The following PDE7B variants were observed in gnomAD, a reference collection of about 807,000 sequenced individuals.
PDE7B encodes the protein 3',5'-cyclic-AMP phosphodiesterase 7B.
In PDE7B, 29 loss-of-function variants were observed where a neutral mutation model predicts 56.2. That is an observed-to-expected ratio of 0.52 (90% confidence interval 0.38 to 0.70). PDE7B has a LOEUF of 0.70. PDE7B is among the 30% of genes least tolerant of loss of function. The pLI, the probability that PDE7B is intolerant of heterozygous loss-of-function variation, is 0.00. For missense variants in PDE7B, 490 were observed against 565.0 expected (o/e 0.87, Z 1.35); for synonymous variants, 197 against 196.9 (o/e 1.00, Z 0.00).
chr6:136,020,057 G>C (rs2128208000), intron 2 of PDE7B, among the ~76,000 whole-genome samples: 1 of 152,264 alleles, frequency 6.6e-6, no homozygotes, highest in Admixed American at 6.5e-5. Context: ...CACCCAATCA[G>C]AGATTCTGCT....
At chr6:136,020,806 T>C (rs1398366501) in intron 2 of PDE7B, among the ~76,000 whole-genome samples, 1 of 152,124 alleles carries the variant, frequency 6.6e-6, no homozygotes, top group Non-Finnish European at 1.5e-5. Context: ...CAGACACTTT[T>C]GGGCATAAGT....
intron 1 of PDE7B, among the ~76,000 whole-genome samples, chr6:135,935,195 T>TATATATATATATATTTATATATAA (rs1774398040): frequency 1.3e-5 from 1 of 78,232 alleles, no homozygotes; most frequent in African/African-American, 7.2e-5. Flanking sequence ...TTTATTTATA[T>TATATATATATATATTTATATATAA]ATATATATAT....
chr6:136,151,918 C>T (rs1022596914), intron 6 of PDE7B, among the ~76,000 whole-genome samples: 9 of 151,736 alleles, frequency 5.9e-5, no homozygotes, highest in African/African-American at 9.7e-5. Flanking sequence ...CCAGCCTGGG[C>T]GACAGTGCAA....
intron 1 of PDE7B, among the ~76,000 whole-genome samples, chr6:135,869,995 G>C (rs760274790): frequency 2.6e-5 from 4 of 152,168 alleles, no homozygotes; most frequent in Non-Finnish European, 4.4e-5. Flanking sequence ...TAAATGAGAA[G>C]CCACTGAAAC....
rs1776492742 is a variant in PDE7B, at chr6:136,045,809, G to T, written c.83-62922G>T. ...ATTGTAAAATAAAATCACAGCTAGA[G>T]CTATGATGGGAATGAACGTAAATCT... On this transcript the variant is annotated intron_variant, in intron 2 of 12. Coordinates refer to ENST00000308191, the MANE Select transcript of PDE7B (RefSeq NM_018945.4). 3.3e-5 allele frequency among the ~76,000 whole-genome samples: 5 copies of T among 151,972 alleles called. No homozygotes were observed. In the South Asian group the frequency reaches 1.0e-3, roughly 32 times the overall value.
chr6:136,153,119 T>C (rs769612062), intron 6 of PDE7B, among the ~76,000 whole-genome samples: 1 of 152,348 alleles, frequency 6.6e-6, no homozygotes, highest in East Asian at 1.9e-4. Context: ...CTCAAGCTGA[T>C]TGTATTTCAA....
intron 2 of PDE7B, among the ~76,000 whole-genome samples, chr6:136,004,400 A>G (rs1363109087): frequency 6.6e-6 from 1 of 152,102 alleles, no homozygotes; most frequent in Non-Finnish European, 1.5e-5. Flanking sequence ...TTAGGAAAAG[A>G]GGAAGTCAAA....
intron 2 of PDE7B, among the ~76,000 whole-genome samples, chr6:136,039,141 C>T (rs1051489789): frequency 6.6e-6 from 1 of 151,782 alleles, no homozygotes; most frequent in Non-Finnish European, 1.5e-5. Flanking sequence ...ATAATGATTC[C>T]CAGGGACTTT....
chr6:136,191,013 C>CTTTTTTTTTT lies in PDE7B; in HGVS notation c.1127-586_1127-577dup, dbSNP rs752187218. On this transcript the variant is annotated intron_variant, in intron 12 of 12. Coordinates refer to ENST00000308191, the MANE Select transcript of PDE7B (RefSeq NM_018945.4). ...CTGCCTTCTTTAGCTCCAGCATACA[C>CTTTTTTTTTT]TTTTTTTTTTTTTTTTTTTTTTTTA... Among the ~76,000 whole-genome samples the CTTTTTTTTTT allele has an allele frequency of 3.1e-4, 31 of 99,292 alleles. 2 individuals carry two copies. Among genetic ancestry groups the CTTTTTTTTTT allele is most frequent in the Middle Eastern group, 5.2e-3 (1 of 194 alleles). The allele number at this position is 99,292 out of a possible 152,430, so 65.1% of individuals were successfully genotyped here. A position where few individuals can be genotyped will look rare whatever the true frequency, so the allele number is the denominator to read the frequency against.
At chr6:135,868,572 C>T (rs941213606) in intron 1 of PDE7B, among the ~76,000 whole-genome samples, 7 of 152,184 alleles carry the variant, frequency 4.6e-5, no homozygotes, top group South Asian at 2.1e-4. Context: ...GCTGAGACTA[C>T]AGGCAGGTGT....
At chr6:135,950,209 T>C (rs377712813) in intron 2 of PDE7B, among the ~76,000 whole-genome samples, 3 of 152,276 alleles carry the variant, frequency 2.0e-5, no homozygotes, top group African/African-American at 7.2e-5. Flanking sequence ...CGTAAGTCCC[T>C]AAAACTGAGA....
At chr6:136,044,934 C>G (rs1360413826) in intron 2 of PDE7B, 1 of 150,814 alleles carries the variant, frequency 6.6e-6, no homozygotes, top group African/African-American at 2.4e-5. Flanking sequence ...TTTTCTTTCC[C>G]TTTAAAAAAA....
chr6:135,967,233 C>G (rs1018476111), intron 2 of PDE7B, among the ~76,000 whole-genome samples: 12 of 152,192 alleles, frequency 7.9e-5, no homozygotes, highest in Non-Finnish European at 1.3e-4. Context: ...CATAATCTCT[C>G]TCTGTCTCAA....
chr6:136,109,675 T>G (rs1346297126), intron 3 of PDE7B, among the ~76,000 whole-genome samples: 5 of 152,304 alleles, frequency 3.3e-5, no homozygotes, highest in South Asian at 4.1e-4. Flanking sequence ...CTGCTCCTCA[T>G]CAGTAGTTTT....
chr6:135,906,813 T>TTTTTTTTTTTTTTTTTTTTTTTG (rs1776116758), intron 1 of PDE7B, among the ~76,000 whole-genome samples: 13 of 109,344 alleles, frequency 1.2e-4, no homozygotes, highest in African/African-American at 6.2e-4. Flanking sequence ...GAGGTTTGTT[T>TTTTTTTTTTTTTTTTTTTTTTTG]TTTTTTTTTT....
At chr6:135,870,619 T>A (rs1775360313) in intron 1 of PDE7B, among the ~76,000 whole-genome samples, 1 of 151,722 alleles carries the variant, frequency 6.6e-6, no homozygotes, top group African/African-American at 2.4e-5. Flanking sequence ...TACCATTCAC[T>A]GAATTAGGGA....
intron 1 of PDE7B, among the ~76,000 whole-genome samples, chr6:135,898,483 A>G (rs537199231): frequency 3.5e-4 from 53 of 152,314 alleles, no homozygotes; most frequent in Middle Eastern, 6.8e-3. Context: ...TGAATGAAGA[A>G]TGCAGTTATA....
rs1013918996 is a variant in PDE7B at position 136,006,837 on chromosome 6, A to G, written c.82+59313A>G. Among the ~76,000 whole-genome samples the G allele has an allele frequency of 2.0e-5, 3 of 152,298 alleles. No individual in the cohort carries two copies. In the South Asian group the frequency reaches 6.2e-4, roughly 32 times the overall value. On this transcript the variant is annotated intron_variant, in intron 2 of 12. Coordinates refer to ENST00000308191, the MANE Select transcript of PDE7B (RefSeq NM_018945.4). Reference sequence around the variant, plus strand: ...TGAGACTATGGGTTTTCCTAGATAGAGAATCATGTTGTCTGCAAACAGGGA... The same window carrying G: ...TGAGACTATGGGTTTTCCTAGATAGGGAATCATGTTGTCTGCAAACAGGGA...
At chr6:136,068,523 C>A (rs532076282) in intron 2 of PDE7B, among the ~76,000 whole-genome samples, 10 of 148,646 alleles carry the variant, frequency 6.7e-5, no homozygotes, top group Non-Finnish European at 1.5e-4. Context: ...CTCCGCCTCC[C>A]GGGTTCACAC....
Sources: gnomAD v4.1 joint callset for allele counts (sites outside exome capture counted in the v4.1 genomes callset) on GRCh38, gnomAD v4.1.1 for gene constraint, MANE v1.5 for transcripts, NCBI Gene and HGNC (gene_info 2026-07-23, HGNC 2026-07-21) for gene names.